Variants in FMNL2 observed in about 807,000 individuals in gnomAD.
FMNL2 encodes formin like 2, also known as formin-like protein 2.
In FMNL2, 51 loss-of-function variants were observed where a neutral mutation model predicts 130.2. That is an observed-to-expected ratio of 0.39 (90% CI 0.31 to 0.49). The LOEUF is 0.49. Among genes scored for constraint, FMNL2 ranks in the 20% least tolerant of loss-of-function variants. The pLI is 0.85. For synonymous variants in FMNL2, 465 were observed against 467.1 expected (o/e 1.00, Z 0.06); for missense variants, 977 against 1,316.2 (o/e 0.74, Z 3.99).
chr2:152,590,980 C>CTTATTTTTTTTTTT (rs1697401307), intron 9 of FMNL2, among the ~76,000 whole-genome samples: 1 of 65,744 alleles, frequency 1.5e-5, no homozygotes, highest in Non-Finnish European at 2.6e-5. Flanking sequence ...CCTCTGATAA[C>CTTATTTTTTTTTTT]TTTTTTTTTT....
At chr2:152,514,055 G>T (rs145255417) in intron 1 of FMNL2, among the ~76,000 whole-genome samples, 1 of 152,214 alleles carries the variant, frequency 6.6e-6, no homozygotes, top group African/African-American at 2.4e-5. Context: ...GGGAATTGAT[G>T]GGCAGGCCAT....
At chr2:152,387,939 C>T (rs546254219) in intron 1 of FMNL2, among the ~76,000 whole-genome samples, 47 of 152,138 alleles carry the variant, frequency 3.1e-4, no homozygotes, top group Admixed American at 1.4e-3. Flanking sequence ...CAGGTGTGGG[C>T]CACTGCGCTT....
intron 2 of FMNL2, among the ~76,000 whole-genome samples, chr2:152,536,862 T>C (rs997812888): frequency 1.3e-5 from 2 of 152,246 alleles, no homozygotes; most frequent in Non-Finnish European, 2.9e-5. Flanking sequence ...CCAAATGTGA[T>C]TTATGGAGCG....
chr2:152,500,895 T>G (rs1249649280), intron 1 of FMNL2, among the ~76,000 whole-genome samples: 1 of 152,202 alleles, frequency 6.6e-6, no homozygotes, highest in Non-Finnish European at 1.5e-5. Context: ...TCTCTTAAAT[T>G]TGTAAAATCT....
At chr2:152,553,004 C>T (rs1052461111) in intron 4 of FMNL2, among the ~76,000 whole-genome samples, 3 of 152,156 alleles carry the variant, frequency 2.0e-5, no homozygotes, top group African/African-American at 7.2e-5. Context: ...TTCACTTTCT[C>T]ATTGTGGTGT....
At chr2:152,390,053 C>A in intron 1 of FMNL2, 1 of 1,579,824 alleles carries the variant, frequency 6.3e-7, no homozygotes, top group Non-Finnish European at 8.7e-7. Context: ...TCAAGAACGG[C>A]AGCCTTGACT....
intron 1 of FMNL2, among the ~76,000 whole-genome samples, chr2:152,448,944 T>C (rs1450327559): frequency 6.6e-6 from 1 of 152,170 alleles, no homozygotes. Context: ...ATGCACTTTG[T>C]GTTTGTCGAG....
At chr2:152,619,416 G>A (rs900312281) in intron 14 of FMNL2, 93 bp from the exon 15 acceptor site, 28 of 1,525,670 alleles carry the variant, frequency 1.8e-5, no homozygotes, top group Non-Finnish European at 2.5e-5. Flanking sequence ...TTTTAAGTGT[G>A]TTGTTTTCAG....
chr2:152,360,577 C>G (rs1683105768), intron 1 of FMNL2, among the ~76,000 whole-genome samples: 1 of 152,110 alleles, frequency 6.6e-6, no homozygotes, highest in Non-Finnish European at 1.5e-5. Flanking sequence ...ATGGCCTACT[C>G]TGAAGGAATT....
At chr2:152,413,644 C>T (rs936316701) in intron 1 of FMNL2, among the ~76,000 whole-genome samples, 1 of 152,150 alleles carries the variant, frequency 6.6e-6, no homozygotes, top group Non-Finnish European at 1.5e-5. Context: ...AATCTAGATA[C>T]AATGCAGGGT....
chr2:152,500,217 G>A (rs897250692), intron 1 of FMNL2, among the ~76,000 whole-genome samples: 1 of 151,918 alleles, frequency 6.6e-6, no homozygotes, highest in Non-Finnish European at 1.5e-5. Flanking sequence ...GGATATTTCT[G>A]CCCCACCAAG....
At chr2:152,348,817 G>GTTTT in intron 1 of FMNL2, among the ~76,000 whole-genome samples, 1 of 113,074 alleles carries the variant, frequency 8.8e-6, no homozygotes, top group African/African-American at 3.9e-5. Context: ...TGCTTCTAAG[G>GTTTT]GTTTTTTTTT....
At chr2:152,362,649 G>A (rs778092453) in intron 1 of FMNL2, among the ~76,000 whole-genome samples, 1 of 151,884 alleles carries the variant, frequency 6.6e-6, no homozygotes, top group Non-Finnish European at 1.5e-5. Flanking sequence ...TAGAGTCATG[G>A]TCATAATCAT....
intron 1 of FMNL2, among the ~76,000 whole-genome samples, chr2:152,513,336 G>T (rs537486759): frequency 3.9e-5 from 6 of 152,198 alleles, no homozygotes; most frequent in East Asian, 3.9e-4. Flanking sequence ...CCCTCTTAGC[G>T]AATGTTAACT....
At chr2:152,472,690 G>A (rs1385767596) in intron 1 of FMNL2, among the ~76,000 whole-genome samples, 5 of 152,180 alleles carry the variant, frequency 3.3e-5, no homozygotes, top group African/African-American at 1.2e-4. Context: ...AGGGACTGGT[G>A]GACCTGTGTT....
At chr2:152,548,233 G>A (rs1007802199) in intron 3 of FMNL2, among the ~76,000 whole-genome samples, 4 of 151,978 alleles carry the variant, frequency 2.6e-5, no homozygotes. Flanking sequence ...GTTAGGTCAC[G>A]CAGAAAAAAA....
At chr2:152,646,807 T>TA (rs1400717665) in intron 25 of FMNL2, among the ~76,000 whole-genome samples, 2 of 152,234 alleles carry the variant, frequency 1.3e-5, no homozygotes, top group Non-Finnish European at 2.9e-5. Context: ...AGGAAAAGTA[T>TA]AAAGCCTGCT....
chr2:152,619,387 TGAAA>T, intron 14 of FMNL2, 118 bp from the exon 15 acceptor site: 1 of 1,460,362 alleles, frequency 6.8e-7, no homozygotes, highest in Admixed American at 2.6e-5. Flanking sequence ...TTTTGGTTTT[TGAAA>T]ACAGTCCTTT....
intron 1 of FMNL2, among the ~76,000 whole-genome samples, chr2:152,465,862 G>A (rs566324815): frequency 7.9e-5 from 12 of 152,240 alleles, no homozygotes; most frequent in Non-Finnish European, 1.5e-4. Flanking sequence ...TGGGAACATG[G>A]AGATGTGATA....
Sources: allele counts gnomAD v4.1 joint callset (sites outside exome capture counted in the v4.1 genomes callset), GRCh38; gene constraint gnomAD v4.1.1; transcripts MANE v1.5; gene names NCBI Gene and HGNC (gene_info 2026-07-23, HGNC 2026-07-21).